ARHGAP10: variants seen among roughly 807,000 people sequenced by gnomAD.
ARHGAP10 encodes the protein rho GTPase-activating protein 10.
A neutral mutation model predicts 108.6 loss-of-function variants in ARHGAP10; 87 were observed. The ratio of observed to expected loss-of-function variants is 0.80; its 90% CI spans 0.67 to 0.96. The LOEUF (loss-of-function observed/expected upper bound fraction) is 0.96, where lower values mean the gene tolerates loss of function less well. Among genes scored for constraint, ARHGAP10 ranks in the 40% least tolerant of loss-of-function variants. The pLI, the probability that ARHGAP10 is intolerant of heterozygous loss-of-function variation, is 0.00. For missense variants in ARHGAP10, 939 were observed against 954.5 expected (o/e 0.98, Z 0.21); for synonymous variants, 347 against 341.1 (o/e 1.02, Z -0.19).
chr4:147,942,769 C>A (rs182267045), intron 14 of ARHGAP10, among the ~76,000 whole-genome samples: 1 of 152,212 alleles, frequency 6.6e-6, no homozygotes, highest in African/African-American at 2.4e-5. Flanking sequence ...TTCCTCCATC[C>A]GGTGATGAGA....
chr4:147,891,264 G>A (rs989340337), intron 10 of ARHGAP10, among the ~76,000 whole-genome samples: 1 of 152,130 alleles, frequency 6.6e-6, no homozygotes, highest in African/African-American at 2.4e-5. Flanking sequence ...AATAAAAGGT[G>A]GTATAGCCAT....
At chr4:147,873,708 A>ACACACACACACACACACACACACG (rs1196985483) in intron 7 of ARHGAP10, among the ~76,000 whole-genome samples, 2 of 150,230 alleles carry the variant, frequency 1.3e-5, no homozygotes, top group African/African-American at 4.9e-5. Context: ...ACACACACAC[A>ACACACACACACACACACACACACG]CACACACACA....
intron 15 of ARHGAP10, among the ~76,000 whole-genome samples, chr4:147,952,122 T>C (rs1334385149): frequency 6.6e-6 from 1 of 152,222 alleles, no homozygotes; most frequent in Non-Finnish European, 1.5e-5. Context: ...ATGGACCATT[T>C]TATAGATACA....
At chr4:147,813,548 C>T (rs1348521879) in intron 1 of ARHGAP10, among the ~76,000 whole-genome samples, 5 of 152,180 alleles carry the variant, frequency 3.3e-5, no homozygotes, top group Admixed American at 3.3e-4. Flanking sequence ...TGAGGACAGG[C>T]CTGCCAGGCA....
intron 18 of ARHGAP10, among the ~76,000 whole-genome samples, chr4:147,998,631 T>C (rs1315802658): frequency 6.6e-6 from 1 of 152,270 alleles, no homozygotes; most frequent in Admixed American, 6.5e-5. Context: ...TTAGGTCGTT[T>C]TCATCCCTGA....
chr4:147,825,706 C>T (rs1732680891), intron 3 of ARHGAP10, among the ~76,000 whole-genome samples: 1 of 152,140 alleles, frequency 6.6e-6, no homozygotes. Flanking sequence ...ATGACATCAC[C>T]TTTCTAGTAC....
At chr4:148,024,015 C>T (rs113436999) in intron 19 of ARHGAP10, among the ~76,000 whole-genome samples, 2,355 of 152,314 alleles carry the variant, frequency 0.015, 50 homozygotes, top group Non-Finnish European at 0.019. Context: ...GCCACGTGGC[C>T]CTGTTGTTTC....
At chr4:147,816,387 G>T (rs527750776) in intron 1 of ARHGAP10, among the ~76,000 whole-genome samples, 2 of 152,284 alleles carry the variant, frequency 1.3e-5, no homozygotes, top group African/African-American at 4.8e-5. Flanking sequence ...TTCTTTTGGG[G>T]CCTATGCACC....
At chr4:147,777,262 CTT>C (rs1003730071) in intron 1 of ARHGAP10, among the ~76,000 whole-genome samples, 19 of 137,326 alleles carry the variant, frequency 1.4e-4, no homozygotes, top group Admixed American at 2.2e-4. Context: ...GTGTGATTTT[CTT>C]TTTTTTTTTT....
At chr4:147,761,866 T>C (rs1376453316) in intron 1 of ARHGAP10, among the ~76,000 whole-genome samples, 1 of 152,078 alleles carries the variant, frequency 6.6e-6, no homozygotes, top group African/African-American at 2.4e-5. Context: ...GTGAATTAAA[T>C]GAGTAGCCAC....
At chr4:147,965,209 G>T in intron 17 of ARHGAP10, 80 bp downstream of exon 17, 1 of 1,052,950 alleles carries the variant, frequency 9.5e-7, no homozygotes, top group African/African-American at 1.7e-5. Context: ...GTGACGGGTG[G>T]AACTGGGGAC....
chr4:147,973,062 G>T (rs1739468919), intron 18 of ARHGAP10, among the ~76,000 whole-genome samples: 1 of 152,098 alleles, frequency 6.6e-6, no homozygotes, highest in South Asian at 2.1e-4. Flanking sequence ...GCCTAATGGT[G>T]ACATTTCTGT....
intron 1 of ARHGAP10, among the ~76,000 whole-genome samples, chr4:147,797,081 A>C (rs527605260): frequency 1.1e-3 from 162 of 152,328 alleles, no homozygotes; most frequent in Non-Finnish European, 2.1e-3. Flanking sequence ...GGCCTGGAGC[A>C]TGGCATATCA....
chr4:147,773,557 A>G (rs1730163606), intron 1 of ARHGAP10, among the ~76,000 whole-genome samples: 1 of 152,242 alleles, frequency 6.6e-6, no homozygotes, highest in Admixed American at 6.5e-5. Flanking sequence ...ATTCTGAGTT[A>G]TAACACAGCA....
chr4:147,790,851 A>G (rs959127728), intron 1 of ARHGAP10, among the ~76,000 whole-genome samples: 5 of 152,306 alleles, frequency 3.3e-5, no homozygotes, highest in Admixed American at 3.3e-4. Flanking sequence ...TCAGATTTTA[A>G]TATTTGAAGG....
intron 21 of ARHGAP10, 70 bp from the exon 22 acceptor site, chr4:148,064,346 G>A (rs979802241): frequency 9.1e-6 from 13 of 1,428,264 alleles, no homozygotes; most frequent in East Asian, 2.3e-5. Context: ...GGGAAGGGGG[G>A]TTGGGGGGTG....
intron 13 of ARHGAP10, among the ~76,000 whole-genome samples, chr4:147,916,330 A>G (rs1007976741): frequency 2.0e-5 from 3 of 152,240 alleles, no homozygotes; most frequent in Non-Finnish European, 1.5e-5. Flanking sequence ...GAACATAAAC[A>G]TAAACTCAAA....
chr4:147,809,704 G>A (rs183687127), intron 1 of ARHGAP10, among the ~76,000 whole-genome samples: 1 of 152,304 alleles, frequency 6.6e-6, no homozygotes, highest in Admixed American at 6.5e-5. Flanking sequence ...ATGGAAGACA[G>A]TTTTTCCATG....
intron 18 of ARHGAP10, among the ~76,000 whole-genome samples, chr4:148,000,466 G>A (rs905616821): frequency 3.9e-5 from 6 of 152,198 alleles, no homozygotes; most frequent in African/African-American, 1.4e-4. Context: ...GGGTCATATG[G>A]TATTTCTAGT....
Sources: allele counts gnomAD v4.1 joint callset (sites outside exome capture counted in the v4.1 genomes callset), GRCh38; gene constraint gnomAD v4.1.1; transcripts MANE v1.5; gene names NCBI Gene and HGNC (gene_info 2026-07-23, HGNC 2026-07-21).